Variants in SMCO4 observed in about 807,000 individuals in gnomAD.
SMCO4 encodes the protein single-pass membrane protein with coiled-coil domains 4.
A neutral mutation model predicts 3.6 loss-of-function variants in SMCO4; 4 were observed. That is an observed-to-expected ratio of 1.11 (90% CI 0.54 to 2.53). The LOEUF (loss-of-function observed/expected upper bound fraction) is 2.53. SMCO4 is among the 30% of genes most tolerant of loss of function. The pLI is 0.02. For missense variants in SMCO4, 70 were observed against 80.8 expected, an observed-to-expected ratio of 0.87 and a Z score of 0.51; for synonymous variants, 36 against 35.3, an observed-to-expected ratio of 1.02 and a Z score of -0.07.
intron 1 of SMCO4, among the ~76,000 whole-genome samples, chr11:93,513,037 C>A (rs1366168910): frequency 6.6e-6 from 1 of 152,100 alleles, no homozygotes; most frequent in Non-Finnish European, 1.5e-5. Flanking sequence ...GGCCTTATGA[C>A]CAGACTTTAT....
At chr11:93,487,582 A>C (rs1948666048) in intron 2 of SMCO4, among the ~76,000 whole-genome samples, 1 of 152,232 alleles carries the variant, frequency 6.6e-6, no homozygotes, top group Non-Finnish European at 1.5e-5. Flanking sequence ...AAAATCCAGA[A>C]ACACAAAAGA....
chr11:93,489,949 G>T (rs1289807001), intron 2 of SMCO4, among the ~76,000 whole-genome samples: 1 of 152,192 alleles, frequency 6.6e-6, no homozygotes, highest in African/African-American at 2.4e-5. Flanking sequence ...TCTCTTGTTT[G>T]TGAGAATACT....
In SMCO4 at chr11:93,516,230, T is replaced by C. The variant is rs182160064; in HGVS notation, c.-153-16882A>G. On this transcript the variant is annotated intron_variant, in intron 1 of 2. Coordinates refer to ENST00000298966, the MANE Select transcript of SMCO4 (RefSeq NM_020179.3). ...ATGCTTGGCAGGTCCCGGTAATGGGTAAGGGAGAAGTAACACCCCTGAAGA... is the reference window on the plus strand; with the variant it reads ...ATGCTTGGCAGGTCCCGGTAATGGGCAAGGGAGAAGTAACACCCCTGAAGA... 9.2e-5 allele frequency among the ~76,000 whole-genome samples: 14 copies of C among 152,110 alleles called. No individual in the cohort carries two copies. In the East Asian group the frequency reaches 2.7e-3, roughly 29 times the overall value.
chr11:93,487,035 T>C (rs954233106), intron 2 of SMCO4, among the ~76,000 whole-genome samples: 1 of 152,174 alleles, frequency 6.6e-6, no homozygotes, highest in Non-Finnish European at 1.5e-5. Flanking sequence ...TATTACAATA[T>C]GAGGCATTAG....
chr11:93,514,340 C>T (rs941495042), intron 1 of SMCO4, among the ~76,000 whole-genome samples: 3 of 131,016 alleles, frequency 2.3e-5, no homozygotes, highest in Admixed American at 8.5e-5. Flanking sequence ...GGGAAGGAAT[C>T]AGGAAGACAA....
intron 1 of SMCO4, among the ~76,000 whole-genome samples, chr11:93,510,761 G>A (rs1948949470): frequency 6.6e-6 from 1 of 152,156 alleles, no homozygotes; most frequent in Non-Finnish European, 1.5e-5. Flanking sequence ...TAAGCCAGCA[G>A]CTCTTCATCT....
intron 2 of SMCO4, among the ~76,000 whole-genome samples, chr11:93,488,588 G>A (rs766174817): frequency 7.2e-5 from 11 of 152,132 alleles, no homozygotes; most frequent in African/African-American, 9.7e-5. Flanking sequence ...TCAGGCCTGC[G>A]CAACTGGAAG....
chr11:93,514,419 T>TATATATATATATATATATATATATAA (rs1555077574), intron 1 of SMCO4, among the ~76,000 whole-genome samples: 1 of 42,534 alleles, frequency 2.4e-5, no homozygotes, highest in African/African-American at 7.3e-5. Flanking sequence ...TATATATATA[T>TATATATATATATATATATATATATAA]ATAAAATTTG....
intron 1 of SMCO4, among the ~76,000 whole-genome samples, chr11:93,530,016 A>G (rs1428278620): frequency 6.6e-6 from 1 of 152,252 alleles, no homozygotes; most frequent in African/African-American, 2.4e-5. Context: ...CACATTTTCA[A>G]GGCCAAATGT....
chr11:93,551,387 C>G, the SMCO4 span, among the ~76,000 whole-genome samples: 1 of 152,118 alleles, frequency 6.6e-6, no homozygotes, highest in Non-Finnish European at 1.5e-5. Flanking sequence ...TTCTCTATGT[C>G]TCGGACAATG....
chr11:93,487,507 A>C (rs1460256480), intron 2 of SMCO4, among the ~76,000 whole-genome samples: 6 of 152,180 alleles, frequency 3.9e-5, no homozygotes, highest in Non-Finnish European at 4.4e-5. Context: ...TCTCATACCA[A>C]GGGCAGAAAA....
chr11:93,525,076 T>C (rs909574854), intron 1 of SMCO4, among the ~76,000 whole-genome samples: 12 of 152,170 alleles, frequency 7.9e-5, no homozygotes, highest in Non-Finnish European at 5.9e-5. Context: ...ACTACTGTAC[T>C]GCCACTCCCA....
intron 1 of SMCO4, among the ~76,000 whole-genome samples, chr11:93,518,239 T>C (rs1000714889): frequency 3.3e-5 from 5 of 152,246 alleles, no homozygotes; most frequent in Non-Finnish European, 5.9e-5. Flanking sequence ...ACAAATAACA[T>C]GTTCTTGCGG....
intron 2 of SMCO4, among the ~76,000 whole-genome samples, chr11:93,494,097 C>A (rs2045462): frequency 6.6e-6 from 1 of 152,074 alleles, no homozygotes; most frequent in East Asian, 1.9e-4. Context: ...TGAGTCCTTT[C>A]GAAACCACTG....
At chr11:93,521,435 TCTAA>T (rs1166243401) in intron 1 of SMCO4, among the ~76,000 whole-genome samples, 4 of 152,294 alleles carry the variant, frequency 2.6e-5, no homozygotes, top group Admixed American at 6.5e-5. Context: ...AGCTAACTCA[TCTAA>T]CTGTCATAAT....
At chr11:93,515,997 C>T (rs1949004703) in intron 1 of SMCO4, among the ~76,000 whole-genome samples, 3 of 152,170 alleles carry the variant, frequency 2.0e-5, no homozygotes, top group Admixed American at 2.0e-4. Flanking sequence ...GTAATTTCTA[C>T]ACAGGAGGCT....
intron 1 of SMCO4, among the ~76,000 whole-genome samples, chr11:93,516,620 T>C (rs1234774192): frequency 6.6e-6 from 1 of 152,152 alleles, no homozygotes; most frequent in East Asian, 1.9e-4. Flanking sequence ...TGAAACCCCA[T>C]CTCTACTAAA....
intron 2 of SMCO4, among the ~76,000 whole-genome samples, 186 bp from the exon 3 acceptor site, chr11:93,479,455 C>G (rs1034993234): frequency 6.6e-6 from 1 of 152,202 alleles, no homozygotes; most frequent in Non-Finnish European, 1.5e-5. Context: ...ACTGGGTCAC[C>G]GGTGTGCTGT....
At chr11:93,515,921 C>T (rs1407739855) in intron 1 of SMCO4, among the ~76,000 whole-genome samples, 1 of 152,120 alleles carries the variant, frequency 6.6e-6, no homozygotes, top group Non-Finnish European at 1.5e-5. Context: ...CCAGTCTGAC[C>T]CCCTTTTAAT....
Sources: gnomAD v4.1 joint callset for allele counts (sites outside exome capture counted in the v4.1 genomes callset) on GRCh38, gnomAD v4.1.1 for gene constraint, MANE v1.5 for transcripts, NCBI Gene and HGNC (gene_info 2026-07-23, HGNC 2026-07-21) for gene names.